The following CAMKMT variants were observed in gnomAD, a reference collection of about 807,000 sequenced individuals.
CAMKMT encodes the protein calmodulin-lysine N-methyltransferase, also known as CaM KMT.
In CAMKMT, 53 loss-of-function variants were observed where a neutral mutation model predicts 48.0. The observed-to-expected ratio is 1.10, with a 90% CI of 0.89 to 1.39. The LOEUF (loss-of-function observed/expected upper bound fraction) is 1.39. CAMKMT is among the 40% of genes most tolerant of loss of function. CAMKMT has a pLI of 0.00. For synonymous variants in CAMKMT, 165 were observed against 152.3 expected (o/e 1.08, Z -0.61); for missense variants, 428 against 402.7 (o/e 1.06, Z -0.54).
intron 3 of CAMKMT, among the ~76,000 whole-genome samples, chr2:44,616,231 T>C (rs1671880710): frequency 1.3e-5 from 2 of 152,316 alleles, no homozygotes; most frequent in African/African-American, 2.4e-5. Context: ...ATCTCCATAT[T>C]CAGCTGAGTG....
chr2:44,449,135 T>C (rs567733529), intron 3 of CAMKMT, among the ~76,000 whole-genome samples: 8 of 152,230 alleles, frequency 5.3e-5, no homozygotes, highest in Non-Finnish European at 1.2e-4. Context: ...AAATTATGTC[T>C]TAATAAACCT....
At chr2:44,566,855 A>G (rs970939185) in intron 3 of CAMKMT, among the ~76,000 whole-genome samples, 2 of 152,238 alleles carry the variant, frequency 1.3e-5, no homozygotes, top group Admixed American at 6.5e-5. Flanking sequence ...CAGTTGACAC[A>G]GTCTCTTATG....
At chr2:44,429,131 C>G (rs1039335550) in intron 3 of CAMKMT, among the ~76,000 whole-genome samples, 3 of 152,158 alleles carry the variant, frequency 2.0e-5, no homozygotes, top group Non-Finnish European at 4.4e-5. Flanking sequence ...TGTTTCTTAT[C>G]TGACCAGCCT....
intron 7 of CAMKMT, among the ~76,000 whole-genome samples, chr2:44,729,658 G>A (rs931558619): frequency 3.9e-5 from 6 of 152,142 alleles, no homozygotes; most frequent in Non-Finnish European, 8.8e-5. Flanking sequence ...GAGAGAAGTT[G>A]TGTGTGTGCT....
intron 3 of CAMKMT, among the ~76,000 whole-genome samples, chr2:44,527,604 A>G (rs1335582478): frequency 2.0e-5 from 3 of 151,466 alleles, no homozygotes; most frequent in African/African-American, 4.9e-5. Context: ...ACTCACTGAG[A>G]CAATAATAGA....
intron 3 of CAMKMT, among the ~76,000 whole-genome samples, chr2:44,662,523 A>C (rs1028748310): frequency 6.6e-6 from 1 of 152,110 alleles, no homozygotes; most frequent in Non-Finnish European, 1.5e-5. Flanking sequence ...CACATTCAAA[A>C]CTGAATCCAT....
chr2:44,637,136 T>C (rs1673180843), intron 3 of CAMKMT, among the ~76,000 whole-genome samples: 1 of 152,262 alleles, frequency 6.6e-6, no homozygotes, highest in Non-Finnish European at 1.5e-5. Context: ...GAGGCACCTG[T>C]AGAATAGTTA....
At chr2:44,706,444 C>A in intron 5 of CAMKMT, 103 bp downstream of exon 5, 1 of 1,137,516 alleles carries the variant, frequency 8.8e-7, no homozygotes, top group Non-Finnish European at 1.3e-6. Context: ...ACAGCATCAG[C>A]TGCGGTCAAG....
At chr2:44,535,441 A>G (rs918024675) in intron 3 of CAMKMT, among the ~76,000 whole-genome samples, 17 of 152,198 alleles carry the variant, frequency 1.1e-4, no homozygotes, top group Admixed American at 1.1e-3. Context: ...AACAGCAACA[A>G]AAACTACAGG....
chr2:44,521,219 A>G (rs1375675517), intron 3 of CAMKMT, among the ~76,000 whole-genome samples: 2 of 152,176 alleles, frequency 1.3e-5, no homozygotes, highest in Non-Finnish European at 2.9e-5. Flanking sequence ...ACTGTTTTCA[A>G]CAGCATTTTA....
chr2:44,640,112 A>T (rs182898023), intron 3 of CAMKMT, among the ~76,000 whole-genome samples: 2 of 152,200 alleles, frequency 1.3e-5, no homozygotes, highest in East Asian at 3.9e-4. Context: ...ACATTAAACA[A>T]CAGATAATTT....
chr2:44,495,299 C>G (rs1013688928), intron 3 of CAMKMT, among the ~76,000 whole-genome samples: 17 of 152,164 alleles, frequency 1.1e-4, no homozygotes, highest in African/African-American at 4.1e-4. Context: ...TGCCACCTGC[C>G]CAGCTAATTT....
chr2:44,705,490 GCGAGA>G, intron 4 of CAMKMT: 1 of 985,398 alleles, frequency 1.0e-6, no homozygotes, highest in Non-Finnish European at 1.2e-6. Flanking sequence ...GTGGGCCAGG[GCGAGA>G]ATGTCACACG....
chr2:44,521,496 G>T (rs1671108234), intron 3 of CAMKMT, among the ~76,000 whole-genome samples: 1 of 152,110 alleles, frequency 6.6e-6, no homozygotes, highest in Non-Finnish European at 1.5e-5. Flanking sequence ...GGCCAGGATG[G>T]TCTCAATCCC....
chr2:44,746,094 T>C (rs1266502386), intron 8 of CAMKMT, among the ~76,000 whole-genome samples: 1 of 152,170 alleles, frequency 6.6e-6, no homozygotes, highest in Non-Finnish European at 1.5e-5. Context: ...CATAAATAGA[T>C]CACATTAAGT....
Position 44,513,462 on chromosome 2 carries a change from T to C in CAMKMT, c.376+123157T>C, listed in dbSNP as rs79076477. Among the ~76,000 whole-genome samples, 7 of 152,352 alleles carry C rather than the reference T, an allele frequency of 4.6e-5. No homozygotes were observed. In the East Asian group the frequency reaches 1.3e-3, roughly 29 times the overall value. On this transcript the variant is annotated intron_variant, in intron 3 of 10. Transcript: ENST00000378494. ...CTAGGATAGTGTCTGATATACCTTA[T>C]CTCTATTCCTACTTGTTTTTGAATT...
intron 3 of CAMKMT, among the ~76,000 whole-genome samples, chr2:44,686,527 T>A (rs781287808): frequency 2.1e-4 from 32 of 152,210 alleles, no homozygotes; most frequent in Non-Finnish European, 4.1e-4. Context: ...ACTGAGCGAA[T>A]GCTAGGAACT....
chr2:44,570,116 A>G (rs896795692), intron 3 of CAMKMT, among the ~76,000 whole-genome samples: 2 of 152,222 alleles, frequency 1.3e-5, no homozygotes, highest in African/African-American at 4.8e-5. Context: ...GAAAATATCC[A>G]TCTTATAAGT....
chr2:44,363,906 G>C (rs1321987215), intron 1 of CAMKMT, among the ~76,000 whole-genome samples: 1 of 151,350 alleles, frequency 6.6e-6, no homozygotes, highest in African/African-American at 2.4e-5. Context: ...GGCCAGGCTG[G>C]TCTCAAACTC....
Sources: allele counts gnomAD v4.1 joint callset (sites outside exome capture counted in the v4.1 genomes callset), GRCh38; gene constraint gnomAD v4.1.1; transcripts MANE v1.5; gene names NCBI Gene and HGNC (gene_info 2026-07-23, HGNC 2026-07-21).